Variants in DNAJA3 observed in about 807,000 individuals in gnomAD.
DNAJA3 encodes the protein DnaJ heat shock protein family (Hsp40) member A3.
In DNAJA3, 29 loss-of-function variants were observed where a neutral mutation model predicts 54.9. The observed-to-expected ratio is 0.53, with a 90% CI of 0.39 to 0.72. The LOEUF is 0.72. Among genes scored for constraint, DNAJA3 ranks in the 30% least tolerant of loss-of-function variants. The probability of loss-of-function intolerance (pLI) is 0.00; values close to 1 mark genes in which losing one functional copy is unlikely to be tolerated. For synonymous variants in DNAJA3, 302 were observed against 251.4 expected (o/e 1.20, Z -1.90); for missense variants, 708 against 639.4 (o/e 1.11, Z -1.16).
At chr16:4,452,801 C>T (rs1314187421) in intron 10 of DNAJA3, among the ~76,000 whole-genome samples, 1 of 152,130 alleles carries the variant, frequency 6.6e-6, no homozygotes, top group Non-Finnish European at 1.5e-5. Flanking sequence ...TCACCAGCTA[C>T]TTGGGAAGCT....
At chr16:4,445,409 A>C (rs1348667161) in intron 7 of DNAJA3, among the ~76,000 whole-genome samples, 5 of 152,220 alleles carry the variant, frequency 3.3e-5, no homozygotes, top group Non-Finnish European at 7.3e-5. Flanking sequence ...AAAGTTTTAA[A>C]ACCTGTGAGA....
intron 9 of DNAJA3, 90 bp downstream of exon 9, chr16:4,448,938 C>G (rs2056941674): frequency 1.1e-6 from 1 of 916,782 alleles, no homozygotes; most frequent in African/African-American, 1.7e-5. Context: ...TTACTGCTCC[C>G]TGTAAGTCAG....
chr16:4,441,812 A>G (rs1380353264), intron 4 of DNAJA3, among the ~76,000 whole-genome samples: 6 of 152,170 alleles, frequency 3.9e-5, no homozygotes, highest in African/African-American at 1.4e-4. Flanking sequence ...TAAGGCTTTC[A>G]GAGCCCATGA....
chr16:4,432,638 G>A (rs35118896), intron 1 of DNAJA3, among the ~76,000 whole-genome samples: 2 of 151,708 alleles, frequency 1.3e-5, no homozygotes, highest in South Asian at 2.1e-4. Context: ...CACCATACCC[G>A]GCCCGGCTTA....
chr16:4,426,288 C>T (rs1596356613), intron 1 of DNAJA3, among the ~76,000 whole-genome samples, 196 bp downstream of exon 1: 2 of 152,174 alleles, frequency 1.3e-5, no homozygotes, highest in South Asian at 2.1e-4. Context: ...GGGAGAGAAG[C>T]GTGGAGCCCC....
chr16:4,435,840 G>A (rs2056766624), intron 2 of DNAJA3, among the ~76,000 whole-genome samples: 1 of 152,176 alleles, frequency 6.6e-6, no homozygotes, highest in Non-Finnish European at 1.5e-5. Flanking sequence ...TGGATATTTA[G>A]GAGTATAGTT....
Position 4,443,049 on chromosome 16 carries a change from T to C in DNAJA3, c.816T>C (p.Arg272=). 1 of 1,614,158 alleles carries C rather than the reference T, an allele frequency of 6.2e-7. No individual in the cohort carries two copies. Among genetic ancestry groups the C allele is most frequent in the East Asian group, 2.2e-5 (1 of 44,874 alleles). ...TCAACACAGGCCCTTTTGTGATGCG[T>C]TCCACGTGTAGGAGATGTGGTGGCC... The part of the protein sequence containing the change: ...ETINTGPFVM[R]STCRRCGGRG... Residue 272 remains arginine, a synonymous_variant, in exon 6 of 12, where the codon CGT becomes CGC. Transcript: ENST00000262375.
Position 4,446,951 on chromosome 16 carries a change from A to T in DNAJA3, c.1062A>T (p.Ile354=). ...ADIHSDLFIS[I]AQALLGGTAR... ...TCCACTCCGACCTCTTTATTTCTAT[A>T]GCTCAGGCTCTTCTTGGGGGTACAG... Residue 354 remains isoleucine (I), a synonymous_variant, in exon 8 of 12, where the codon ATA becomes ATT. Coordinates refer to ENST00000262375, the MANE Select transcript of DNAJA3 (RefSeq NM_005147.6). 1 of 1,614,158 alleles carries T rather than the reference A, an allele frequency of 6.2e-7. No homozygotes were observed.
chr16:4,447,126 G>A (rs1330066038), intron 8 of DNAJA3, 112 bp downstream of exon 8: 14 of 1,294,166 alleles, frequency 1.1e-5, no homozygotes, highest in Non-Finnish European at 1.4e-5. Context: ...CATGTGGGGG[G>A]GCACTCACAG....
chr16:4,440,611 A>C (rs1301460988), intron 3 of DNAJA3: 1 of 151,782 alleles, frequency 6.6e-6, no homozygotes, highest in African/African-American at 2.4e-5. Context: ...AAAAAGATAC[A>C]AAGTGAATAC....
intron 1 of DNAJA3, among the ~76,000 whole-genome samples, chr16:4,426,374 C>G (rs1407753843): frequency 1.3e-5 from 2 of 152,230 alleles, no homozygotes; most frequent in Non-Finnish European, 2.9e-5. Context: ...CCGCTGCTCC[C>G]TCGTCCTCTT....
intron 2 of DNAJA3, among the ~76,000 whole-genome samples, chr16:4,435,142 C>T (rs1183322295): frequency 6.6e-6 from 1 of 151,988 alleles, no homozygotes; most frequent in Admixed American, 6.6e-5. Flanking sequence ...TCAGGTGATC[C>T]ACCTGCCTCA....
At chr16:4,448,876 C>T (rs371753889) in intron 9 of DNAJA3, 28 bp downstream of exon 9, 2 of 1,559,820 alleles carry the variant, frequency 1.3e-6, no homozygotes, top group African/African-American at 1.4e-5. Context: ...TGTGGCCAAG[C>T]CCGCCTGGTC....
Position 4,455,655 on chromosome 16 carries a change from AGCCTCTGGACG to A in DNAJA3, c.*128_*138del, listed in dbSNP as rs2057027862. ...AGCAGCACTGAGCTCCCACCCGCAG[AGCCTCTGGACG>A]GCCTTGGCAACAGCAAAATCATGGG... On this transcript the variant is annotated 3_prime_UTR_variant, in exon 12 of 12. Coordinates refer to ENST00000262375, the MANE Select transcript of DNAJA3 (RefSeq NM_005147.6). 2 of 1,494,508 alleles carry A rather than the reference AGCCTCTGGACG, an allele frequency of 1.3e-6. No homozygotes were observed. Among genetic ancestry groups the A allele is most frequent in the South Asian group, 2.4e-5 (2 of 82,828 alleles). The allele number at this position is 1,494,508 out of a possible 1,614,324, so 92.6% of individuals were successfully genotyped here.
chr16:4,426,992 A>G (rs539810696), intron 1 of DNAJA3: 7 of 151,654 alleles, frequency 4.6e-5, no homozygotes, highest in African/African-American at 1.5e-4. Context: ...ATCTCGACTC[A>G]CTGCAACCTC....
At chr16:4,438,190 G>A (rs28577186) in intron 3 of DNAJA3, among the ~76,000 whole-genome samples, 84,913 of 151,754 alleles carry the variant, frequency 0.56, 25,386 homozygotes, top group East Asian at 0.69. Flanking sequence ...GGCGGCATGC[G>A]CCTGTAGTCC....
chr16:4,427,493 A>G (rs949593981), intron 1 of DNAJA3: 1 of 152,102 alleles, frequency 6.6e-6, no homozygotes, highest in Non-Finnish European at 1.5e-5. Context: ...TCAGGGGTGA[A>G]CTTCCCCAGC....
intron 3 of DNAJA3, 54 bp from the exon 4 acceptor site, chr16:4,441,321 A>G (rs2056833077): frequency 6.6e-7 from 1 of 1,518,544 alleles, no homozygotes; most frequent in East Asian, 2.3e-5. Context: ...TCTTGTCTGT[A>G]TTCCTGGGCC....
At chr16:4,435,814 A>G (rs1400785710) in intron 2 of DNAJA3, among the ~76,000 whole-genome samples, 1 of 152,202 alleles carries the variant, frequency 6.6e-6, no homozygotes, top group Non-Finnish European at 1.5e-5. Context: ...TTGTGTAGAC[A>G]TGTTTTCAGT....
Sources: gnomAD v4.1 joint callset for allele counts (sites outside exome capture counted in the v4.1 genomes callset) on GRCh38, gnomAD v4.1.1 for gene constraint, MANE v1.5 for transcripts, NCBI Gene and HGNC (gene_info 2026-07-23, HGNC 2026-07-21) for gene names.